Variants in IQCM observed in about 807,000 individuals in gnomAD.
IQCM encodes IQ domain-containing protein M.
A neutral mutation model predicts 57.6 loss-of-function variants in IQCM; 45 were observed. That is an observed-to-expected ratio of 0.78 (90% confidence interval 0.62 to 1.00). The LOEUF is 1.00. Ranked by LOEUF, IQCM falls within the 50% of genes least tolerant of loss-of-function variation. IQCM has a pLI of 0.00. For synonymous variants in IQCM, 148 were observed against 158.9 expected (o/e 0.93, Z 0.51); for missense variants, 468 against 511.6 (o/e 0.91, Z 0.82).
chr4:149,574,754 A>G (rs1751479275), intron 9 of IQCM, among the ~76,000 whole-genome samples: 1 of 151,966 alleles, frequency 6.6e-6, no homozygotes, highest in Admixed American at 6.6e-5. Flanking sequence ...GCTACTAATT[A>G]GTTTTGGCTG....
At chr4:149,485,656 T>G (rs1267099814) in intron 12 of IQCM, among the ~76,000 whole-genome samples, 1 of 152,138 alleles carries the variant, frequency 6.6e-6, no homozygotes, top group East Asian at 1.9e-4. Flanking sequence ...GCACCTATTT[T>G]GAATTCTCTG....
At chr4:149,740,842 G>A (rs890194635) in intron 3 of IQCM, among the ~76,000 whole-genome samples, 11 of 152,108 alleles carry the variant, frequency 7.2e-5, no homozygotes, top group African/African-American at 2.7e-4. Context: ...TTGTAAACAG[G>A]TTCAGATGGA....
At chr4:149,484,790 T>C (rs748406579) in intron 12 of IQCM, among the ~76,000 whole-genome samples, 2 of 152,054 alleles carry the variant, frequency 1.3e-5, no homozygotes, top group Non-Finnish European at 2.9e-5. Flanking sequence ...GCTTGAGTTT[T>C]GTACCTTCAG....
intron 13 of IQCM, among the ~76,000 whole-genome samples, chr4:149,431,792 A>G (rs1734888919): frequency 6.6e-6 from 1 of 152,008 alleles, no homozygotes; most frequent in Admixed American, 6.6e-5. Flanking sequence ...AAATTCATCC[A>G]TGTTGTGTAC....
chr4:149,617,062 TCTC>T (rs1368221564), intron 8 of IQCM, among the ~76,000 whole-genome samples: 22 of 151,994 alleles, frequency 1.4e-4, no homozygotes, highest in Admixed American at 3.9e-4. Flanking sequence ...TTCAAGGTAT[TCTC>T]CTGCCTCAGC....
chr4:149,544,607 A>G (rs570209064), intron 12 of IQCM, among the ~76,000 whole-genome samples: 10 of 152,310 alleles, frequency 6.6e-5, no homozygotes, highest in Admixed American at 5.9e-4. Flanking sequence ...AGAAAGAAAA[A>G]CAAAGCTAGT....
At chr4:149,470,296 A>G (rs912143096) in intron 12 of IQCM, among the ~76,000 whole-genome samples, 4 of 144,756 alleles carry the variant, frequency 2.8e-5, no homozygotes, top group African/African-American at 1.0e-4. Context: ...AAGCAAATGG[A>G]AAAAAAAAAA....
intron 5 of IQCM, among the ~76,000 whole-genome samples, chr4:149,696,356 T>C (rs1255322642): frequency 6.6e-6 from 1 of 152,160 alleles, no homozygotes; most frequent in Non-Finnish European, 1.5e-5. Context: ...TCCTTGTCAA[T>C]TGTCAATCTC....
At position 149,528,627 on chromosome 4, in the gene IQCM, A is replaced by T. The variant is rs1416879124; in HGVS notation, c.1228+19828T>A. The stretch of plus-strand genomic sequence containing the variant: ...AGTAAATTAGGAAAGAATAAGCCTG[A>T]GGAATTGAGGTAACAGAACATGGCA... On this transcript the variant is annotated intron_variant, in intron 12 of 13. Coordinates refer to ENST00000636793, the MANE Select transcript of IQCM (RefSeq NM_001363507.2). Among the ~76,000 whole-genome samples the T allele has an allele frequency of 2.0e-5, 3 of 152,304 alleles. No individual in the cohort carries two copies. The East Asian group carries it at 5.8e-4, about 29-fold the overall frequency.
chr4:149,765,387 C>T (rs1264578563), intron 2 of IQCM, among the ~76,000 whole-genome samples: 1 of 152,122 alleles, frequency 6.6e-6, no homozygotes, highest in African/African-American at 2.4e-5. Context: ...AATCTCTGTG[C>T]TTATGAAATC....
chr4:149,744,735 A>C (rs1767765976), intron 2 of IQCM, among the ~76,000 whole-genome samples: 1 of 152,116 alleles, frequency 6.6e-6, no homozygotes, highest in Admixed American at 6.6e-5. Context: ...TCCAGCAGAC[A>C]GTTACGAGAT....
At chr4:149,611,201 A>G (rs1755253279) in intron 8 of IQCM, among the ~76,000 whole-genome samples, 4 of 152,064 alleles carry the variant, frequency 2.6e-5, no homozygotes, top group Admixed American at 2.6e-4. Context: ...AAAAAAATGG[A>G]ATAATGGATG....
chr4:149,386,428 T>C (rs974660298), intron 13 of IQCM, among the ~76,000 whole-genome samples: 2 of 152,114 alleles, frequency 1.3e-5, no homozygotes, highest in African/African-American at 2.4e-5. Context: ...TTAGTTGAAG[T>C]ATTTTAGAGG....
chr4:149,471,163 A>T (rs1396479754), intron 12 of IQCM, among the ~76,000 whole-genome samples: 1 of 152,218 alleles, frequency 6.6e-6, no homozygotes, highest in Non-Finnish European at 1.5e-5. Context: ...CCCTTCAAAA[A>T]ATCAATGAAT....
intron 12 of IQCM, among the ~76,000 whole-genome samples, chr4:149,479,279 T>C (rs1427123927): frequency 1.3e-5 from 2 of 152,166 alleles, no homozygotes; most frequent in East Asian, 3.9e-4. Flanking sequence ...TCAAATGGCA[T>C]GGTATACAGA....
At chr4:149,744,747 C>T (rs1411844652) in intron 2 of IQCM, among the ~76,000 whole-genome samples, 1 of 152,014 alleles carries the variant, frequency 6.6e-6, no homozygotes, top group Admixed American at 6.6e-5. Flanking sequence ...TTACGAGATG[C>T]TGAGTCCTTC....
intron 5 of IQCM, among the ~76,000 whole-genome samples, chr4:149,709,168 G>C (rs1056447384): frequency 1.3e-5 from 2 of 152,076 alleles, no homozygotes; most frequent in Admixed American, 1.3e-4. Context: ...ACCACATAAT[G>C]TACTTGGGTA....
At chr4:149,617,823 A>G (rs1301213555) in intron 8 of IQCM, among the ~76,000 whole-genome samples, 1 of 152,206 alleles carries the variant, frequency 6.6e-6, no homozygotes, top group East Asian at 1.9e-4. Flanking sequence ...CTCAACAAGG[A>G]CAACTAAAAA....
chr4:149,773,795 C>T (rs911006219), intron 2 of IQCM, among the ~76,000 whole-genome samples: 1 of 152,196 alleles, frequency 6.6e-6, no homozygotes, highest in East Asian at 1.9e-4. Context: ...ATACTACTGG[C>T]CAAAGTGGTG....
Sources: allele counts gnomAD v4.1 joint callset (sites outside exome capture counted in the v4.1 genomes callset), GRCh38; gene constraint gnomAD v4.1.1; transcripts MANE v1.5; gene names NCBI Gene and HGNC (gene_info 2026-07-23, HGNC 2026-07-21).